The following AOPEP variants were observed in gnomAD, a reference collection of about 807,000 sequenced individuals.
The protein encoded by AOPEP is aminopeptidase O (putative), also known as aminopeptidase O.
In AOPEP, 77 loss-of-function variants were observed where a neutral mutation model predicts 98.1. The ratio of observed to expected loss-of-function variants is 0.78; its 90% CI spans 0.65 to 0.95. The LOEUF (loss-of-function observed/expected upper bound fraction) is 0.95, where lower values mean the gene tolerates loss of function less well. Ranked by LOEUF, AOPEP falls within the 40% of genes least tolerant of loss-of-function variation. AOPEP has a pLI of 0.00. For synonymous variants in AOPEP, 346 were observed against 365.3 expected, an observed-to-expected ratio of 0.95 and a Z score of 0.60; for missense variants, 1,024 against 1,024.7, an observed-to-expected ratio of 1.00 and a Z score of 0.01.
intron 13 of AOPEP, among the ~76,000 whole-genome samples, chr9:95,054,165 G>T (rs1157516279): frequency 6.6e-6 from 1 of 152,162 alleles, no homozygotes; most frequent in African/African-American, 2.4e-5. Flanking sequence ...GTCATGGCAG[G>T]GTGAATAGAC....
chr9:94,905,644 C>G (rs1056827322), intron 5 of AOPEP, among the ~76,000 whole-genome samples: 1 of 152,180 alleles, frequency 6.6e-6, no homozygotes, highest in African/African-American at 2.4e-5. Flanking sequence ...TCACCTCACG[C>G]TTTTGCCCCA....
intron 14 of AOPEP, among the ~76,000 whole-genome samples, chr9:95,066,559 C>T (rs1452306626): frequency 1.3e-5 from 2 of 152,174 alleles, no homozygotes; most frequent in East Asian, 3.9e-4. Context: ...GCTACAGGTT[C>T]AGCCAGACTT....
chr9:94,749,987 A>G (rs1490161132), intron 1 of AOPEP, among the ~76,000 whole-genome samples: 1 of 152,174 alleles, frequency 6.6e-6, no homozygotes, highest in African/African-American at 2.4e-5. Context: ...GTTCTTCTGA[A>G]GAATATTGAT....
At chr9:95,083,282 ACACACACTGCATGCAG>A (rs984491940) in intron 16 of AOPEP, among the ~76,000 whole-genome samples, 1 of 151,028 alleles carries the variant, frequency 6.6e-6, no homozygotes, top group African/African-American at 2.4e-5. Flanking sequence ...CACACGTAGC[ACACACACTGCATGCAG>A]CACACACACA....
At chr9:94,932,645 G>A (rs186225966) in intron 7 of AOPEP, 170 of 208,304 alleles carry the variant, frequency 8.2e-4, no homozygotes, top group Non-Finnish European at 1.1e-3. Flanking sequence ...CACTATGCCC[G>A]GCTAATTTTT....
chr9:94,911,633 G>A (rs1272632700), intron 5 of AOPEP, among the ~76,000 whole-genome samples: 3 of 152,114 alleles, frequency 2.0e-5, no homozygotes, highest in Non-Finnish European at 4.4e-5. Context: ...TGACTCTATG[G>A]CAAAAGAAAT....
intron 13 of AOPEP, chr9:95,021,623 A>G (rs1019501048): frequency 2.0e-5 from 3 of 152,274 alleles, no homozygotes; most frequent in African/African-American, 7.2e-5. Flanking sequence ...GCATACAAGC[A>G]TGCACATGTG....
At chr9:95,121,692 G>A in the AOPEP span, among the ~76,000 whole-genome samples, 2 of 152,156 alleles carry the variant, frequency 1.3e-5, no homozygotes, top group African/African-American at 4.8e-5. Context: ...AGAAGTCTCT[G>A]CTGAGTGGAA....
At chr9:95,066,346 T>TA (rs1173160022) in intron 14 of AOPEP, among the ~76,000 whole-genome samples, 1 of 152,240 alleles carries the variant, frequency 6.6e-6, no homozygotes, top group Non-Finnish European at 1.5e-5. Context: ...AAAGCTGATC[T>TA]AAAATCACAA....
intron 5 of AOPEP, among the ~76,000 whole-genome samples, chr9:94,819,333 T>C (rs1338967839): frequency 1.3e-5 from 2 of 152,158 alleles, no homozygotes; most frequent in Non-Finnish European, 2.9e-5. Flanking sequence ...ATCTTCCAAA[T>C]AGAGCCAGAG....
chr9:95,139,133 C>A, the AOPEP span, among the ~76,000 whole-genome samples: 2 of 152,208 alleles, frequency 1.3e-5, no homozygotes, highest in South Asian at 2.1e-4. Flanking sequence ...CTGAACCAGG[C>A]TGGCTTTAAA....
At chr9:94,872,250 A>G (rs771287807) in intron 5 of AOPEP, among the ~76,000 whole-genome samples, 3 of 152,204 alleles carry the variant, frequency 2.0e-5, no homozygotes, top group Non-Finnish European at 2.9e-5. Flanking sequence ...GCAGAGATCT[A>G]AACGGGGGCA....
At chr9:94,854,136 G>A (rs2043899040) in intron 5 of AOPEP, among the ~76,000 whole-genome samples, 1 of 152,200 alleles carries the variant, frequency 6.6e-6, no homozygotes. Flanking sequence ...GGACAAAAAG[G>A]ACATTGTTAC....
At chr9:94,828,247 T>C (rs538020315) in intron 5 of AOPEP, among the ~76,000 whole-genome samples, 1 of 152,354 alleles carries the variant, frequency 6.6e-6, no homozygotes, top group South Asian at 2.1e-4. Context: ...TGTTCTTTAG[T>C]TTCTTGTGCT....
intron 14 of AOPEP, among the ~76,000 whole-genome samples, chr9:95,073,769 G>A (rs867350635): frequency 2.6e-5 from 4 of 152,192 alleles, no homozygotes; most frequent in South Asian, 2.1e-4. Flanking sequence ...TGAGGCAGGA[G>A]AATCGCTTGA....
chr9:95,061,105 A>C (rs1226072533), intron 14 of AOPEP: 2 of 254,276 alleles, frequency 7.9e-6, no homozygotes, highest in African/African-American at 2.2e-5. Flanking sequence ...CATTGTGCCC[A>C]CTGACGGTGG....
chr9:94,835,812 G>C (rs1359471428), intron 5 of AOPEP, among the ~76,000 whole-genome samples: 1 of 152,212 alleles, frequency 6.6e-6, no homozygotes, highest in Non-Finnish European at 1.5e-5. Context: ...TATTATGGCT[G>C]TTCCCAGTGT....
chr9:94,811,404 C>T (rs995708110), intron 5 of AOPEP, among the ~76,000 whole-genome samples: 6 of 152,072 alleles, frequency 3.9e-5, no homozygotes, highest in African/African-American at 1.2e-4. Flanking sequence ...CTGAGAGGGG[C>T]GCAGCTACAA....
chr9:95,023,758 C>A lies in AOPEP; in HGVS notation c.2115+18142C>A, dbSNP rs145183676. The stretch of plus-strand genomic sequence containing the variant: ...AACTATTATTCTTGTGTGGAATTGG[C>A]TCTGGATCGTTAATAAGTTTCCCTG... On this transcript the variant is annotated intron_variant, in intron 13 of 16. Coordinates refer to ENST00000375315, the MANE Select transcript of AOPEP (RefSeq NM_001193329.3). Among the ~76,000 whole-genome samples, 1,372 of 152,254 alleles carry A rather than the reference C, an allele frequency of 9.0e-3. 10 individuals carry two copies. The highest frequency in any genetic ancestry group is 0.015 in the Non-Finnish European group (1,038 of 68,014).
Sources: allele counts gnomAD v4.1 joint callset (sites outside exome capture counted in the v4.1 genomes callset), GRCh38; gene constraint gnomAD v4.1.1; transcripts MANE v1.5; gene names NCBI Gene and HGNC (gene_info 2026-07-23, HGNC 2026-07-21).